The following NCOR1 variants were observed in gnomAD, a reference collection of about 807,000 sequenced individuals.
The protein encoded by NCOR1 is protein phosphatase 1, regulatory subunit 109.
Under a neutral mutation model 288.1 loss-of-function variants are expected in NCOR1, and 63 were observed. That is an observed-to-expected ratio of 0.22 (90% CI 0.18 to 0.27). NCOR1 has a LOEUF of 0.27. Ranked by LOEUF, NCOR1 falls within the 10% of genes least tolerant of loss-of-function variation. The pLI is 1.00. For synonymous variants in NCOR1, 1,007 were observed against 1,065.9 expected, an observed-to-expected ratio of 0.94 and a Z score of 1.08; for missense variants, 2,397 against 3,019.2, an observed-to-expected ratio of 0.79 and a Z score of 4.83.
intron 26 of NCOR1, among the ~76,000 whole-genome samples, chr17:16,076,906 T>C (rs2062545227): frequency 6.6e-6 from 1 of 152,176 alleles, no homozygotes; most frequent in Non-Finnish European, 1.5e-5. Context: ...CTGCAATGCC[T>C]GCAGCCAGCA....
chr17:16,051,638 G>A (rs1055246162), intron 40 of NCOR1, among the ~76,000 whole-genome samples: 1 of 152,064 alleles, frequency 6.6e-6, no homozygotes, highest in Non-Finnish European at 1.5e-5. Context: ...TGCAGGGGGC[G>A]CGGTGGCTCA....
intron 45 of NCOR1, 24 bp from the exon 46 acceptor site, chr17:16,032,507 T>C: frequency 6.4e-7 from 1 of 1,559,868 alleles, no homozygotes; most frequent in East Asian, 2.3e-5. Context: ...AATTAGGTTT[T>C]CATTGTCATG....
intron 2 of NCOR1, among the ~76,000 whole-genome samples, chr17:16,193,157 T>C (rs1035311804): frequency 1.3e-5 from 2 of 152,210 alleles, no homozygotes; most frequent in African/African-American, 4.8e-5. Flanking sequence ...TGTCAAAATT[T>C]GTTACAATGT....
At chr17:16,083,382 T>C (rs1277694117) in intron 23 of NCOR1, among the ~76,000 whole-genome samples, 2 of 151,572 alleles carry the variant, frequency 1.3e-5, no homozygotes, top group East Asian at 3.9e-4. Flanking sequence ...AAACAAAATT[T>C]AAAGGAATCA....
At chr17:16,158,048 A>G (rs545546752) in intron 6 of NCOR1, among the ~76,000 whole-genome samples, 1 of 151,576 alleles carries the variant, frequency 6.6e-6, no homozygotes, top group Non-Finnish European at 1.5e-5. Context: ...ATCTCGGCTC[A>G]CTACAACCTC....
intron 1 of NCOR1, among the ~76,000 whole-genome samples, chr17:16,196,028 G>A (rs1016138306): frequency 2.0e-5 from 3 of 150,740 alleles, no homozygotes; most frequent in Non-Finnish European, 3.0e-5. Context: ...ATATACACAC[G>A]TGCATGTGTG....
intron 28 of NCOR1, among the ~76,000 whole-genome samples, chr17:16,072,493 C>CCTTTTAT (rs1165706054): frequency 3.9e-5 from 6 of 152,058 alleles, no homozygotes; most frequent in Non-Finnish European, 5.9e-5. Context: ...ATCTAAAATC[C>CCTTTTAT]CAACACTTCT....
At chr17:16,054,070 T>TAAAAAAAAAAAAAAAAAAAAAA (rs752015595) in intron 40 of NCOR1, among the ~76,000 whole-genome samples, 1 of 72,110 alleles carries the variant, frequency 1.4e-5, no homozygotes, top group Non-Finnish European at 3.2e-5. Flanking sequence ...GACTTAAATG[T>TAAAAAAAAAAAAAAAAAAAAAA]AAAAAAAAAA....
intron 19 of NCOR1, among the ~76,000 whole-genome samples, chr17:16,103,097 T>C (rs993560740): frequency 6.6e-6 from 1 of 152,234 alleles, no homozygotes; most frequent in African/African-American, 2.4e-5. Context: ...CTTTTTGACA[T>C]CTTTACCTAG....
intron 5 of NCOR1, among the ~76,000 whole-genome samples, chr17:16,164,217 G>A (rs968135746): frequency 2.0e-5 from 3 of 150,260 alleles, no homozygotes; most frequent in South Asian, 2.1e-4. Flanking sequence ...CTCCAGCCTC[G>A]GTGACAGAGT....
In NCOR1 at chr17:16,070,409, C is replaced by T; in HGVS notation, c.4269G>A (p.Val1423=). The T allele has an allele frequency of 6.2e-7, 1 of 1,614,180 alleles. No homozygotes were observed. Among genetic ancestry groups the T allele is most frequent in the Non-Finnish European group, 8.5e-7 (1 of 1,180,034 alleles). Residue 1423 remains valine (V), a synonymous_variant, in exon 31 of 46, where the codon GTG becomes GTA. Transcript: ENST00000268712. ...LSRGMPPLEI[V]PENIKVVERG... is the part of the protein sequence containing the mutation. ...GTTCTACCACTTTTATGTTCTCTGGCACAATTTCCAGCGGAGGCATTCCAC... is the reference window on the plus strand; with the variant it reads ...GTTCTACCACTTTTATGTTCTCTGGTACAATTTCCAGCGGAGGCATTCCAC...
rs765507657 is a variant in NCOR1, at chr17:16,101,460, C to G, written c.2480G>C (p.Arg827Thr). The change falls in exon 20 of 46, where the codon AGG becomes ACG. Residue 827 changes from arginine to threonine, a missense_variant. Arg to Thr is a moderately conservative substitution (Grantham distance 71, BLOSUM62 -1). This residue lies in a region of NCOR1 where 1,872 missense variants were observed against 2,187.8 expected (regional missense o/e 0.86). Coordinates refer to ENST00000268712, the MANE Select transcript of NCOR1 (RefSeq NM_006311.4). ...TKADSVDVEV[R>T]VPENHASKVE... Reference sequence around the variant, plus strand: ...TTTAGATGCATGGTTTTCTGGCACCCTCACTTCAACGTCCACAGAGTCAGC... The same window carrying G: ...TTTAGATGCATGGTTTTCTGGCACCGTCACTTCAACGTCCACAGAGTCAGC... 6 of 1,614,164 alleles carry G rather than the reference C, an allele frequency of 3.7e-6. No homozygotes were observed. Among genetic ancestry groups the G allele is most frequent in the Non-Finnish European group, 5.1e-6 (6 of 1,180,016 alleles).
chr17:16,125,936 A>C (rs1413783126), intron 15 of NCOR1, 146 bp downstream of exon 15: 1 of 462,248 alleles, frequency 2.2e-6, no homozygotes, highest in South Asian at 4.8e-5. Flanking sequence ...TATAATGTAC[A>C]CTATTTGGGC....
At chr17:16,133,734 T>C (rs974468246) in intron 14 of NCOR1, among the ~76,000 whole-genome samples, 17 of 152,196 alleles carry the variant, frequency 1.1e-4, no homozygotes, top group African/African-American at 4.1e-4. Context: ...TAATAGGTAT[T>C]TCATATTCAG....
intron 17 of NCOR1, 40 bp from the exon 18 acceptor site, chr17:16,118,067 AC>A: frequency 6.3e-7 from 1 of 1,585,328 alleles, no homozygotes; most frequent in Non-Finnish European, 8.6e-7. Flanking sequence ...TTGAACAGTC[AC>A]CTGATCAAGC....
At chr17:16,099,194 C>T (rs1288718301) in intron 20 of NCOR1, among the ~76,000 whole-genome samples, 1 of 152,122 alleles carries the variant, frequency 6.6e-6, no homozygotes, top group East Asian at 1.9e-4. Context: ...TCACCATAGT[C>T]CCTGCCATCT....
chr17:16,040,647 T>C, intron 42 of NCOR1, 153 bp from the exon 43 acceptor site: 1 of 768,100 alleles, frequency 1.3e-6, no homozygotes, highest in Non-Finnish European at 2.1e-6. Context: ...AAAATGGAAG[T>C]ATTTTTTTTT....
chr17:16,044,353 A>G, intron 42 of NCOR1: 2 of 470,212 alleles, frequency 4.3e-6, no homozygotes, highest in Non-Finnish European at 8.8e-6. Context: ...TTGGTGTTCA[A>G]CATTTATTAA....
Position 16,061,048 on chromosome 17 carries a change from T to C in NCOR1, c.5881+353A>G, listed in dbSNP as rs571431550. On this transcript the variant is annotated intron_variant, in intron 37 of 45. Coordinates refer to ENST00000268712, the MANE Select transcript of NCOR1 (RefSeq NM_006311.4). ...AGGCTTTGGGGTATTGGCATAAATA[T>C]AGAACCATGTCCTAGCAAATGCTTC... is the stretch of plus-strand genomic sequence containing the variant. Among the ~76,000 whole-genome samples, 8 of 152,330 alleles carry C rather than the reference T, an allele frequency of 5.3e-5. No individual in the cohort carries two copies. The East Asian group carries it at 1.2e-3, about 22-fold the overall frequency.
Sources: gnomAD v4.1 joint callset for allele counts (sites outside exome capture counted in the v4.1 genomes callset) on GRCh38, gnomAD v4.1.1 for gene constraint, gnomAD v4.1.1 regional missense constraint, MANE v1.5 for transcripts, NCBI Gene and HGNC (gene_info 2026-07-23, HGNC 2026-07-21) for gene names.